The following PABPC4L variants were observed in gnomAD, a reference collection of about 807,000 sequenced individuals.
PABPC4L encodes the protein poly(A) binding protein cytoplasmic 4 like.
For missense variants in PABPC4L, 452 were observed against 451.4 expected, an observed-to-expected ratio of 1.00 and a Z score of -0.01; for synonymous variants, 169 against 164.1, an observed-to-expected ratio of 1.03 and a Z score of -0.23.
the PABPC4L span, among the ~76,000 whole-genome samples, chr4:134,161,403 A>C: frequency 3.8e-4 from 58 of 152,264 alleles, no homozygotes; most frequent in African/African-American, 1.3e-3. Flanking sequence ...AAACACAAGG[A>C]TAAACAAAGA....
downstream of PABPC4L, among the ~76,000 whole-genome samples, chr4:134,193,191 A>T (rs1253737957): frequency 6.6e-6 from 1 of 152,016 alleles, no homozygotes; most frequent in Non-Finnish European, 1.5e-5. Flanking sequence ...TTTTCTACTG[A>T]ATATTCCTCC....
downstream of PABPC4L, among the ~76,000 whole-genome samples, chr4:134,195,959 T>C (rs1400294113): frequency 1.3e-5 from 2 of 151,264 alleles, no homozygotes; most frequent in African/African-American, 4.8e-5. Context: ...TTTTTTAAAA[T>C]TATATTTTTA....
the PABPC4L span, among the ~76,000 whole-genome samples, chr4:134,068,622 T>C: frequency 2.1e-4 from 32 of 152,278 alleles, 1 homozygote; most frequent in South Asian, 2.1e-3. Context: ...GTGATCTATG[T>C]ACCTCAGTGT....
the PABPC4L span, among the ~76,000 whole-genome samples, chr4:134,028,377 T>G: frequency 6.6e-6 from 1 of 151,976 alleles, no homozygotes; most frequent in African/African-American, 2.4e-5. Flanking sequence ...CCTCCTCAGC[T>G]CTTCATTTTC....
the PABPC4L span, among the ~76,000 whole-genome samples, chr4:134,055,120 C>T: frequency 6.6e-6 from 1 of 151,874 alleles, no homozygotes; most frequent in Non-Finnish European, 1.5e-5. Flanking sequence ...GATTTATATG[C>T]TGATATGGAT....
At chr4:134,088,240 G>A in the PABPC4L span, among the ~76,000 whole-genome samples, 1 of 152,022 alleles carries the variant, frequency 6.6e-6, no homozygotes, top group Non-Finnish European at 1.5e-5. Context: ...TTAAAATCAT[G>A]TGGCCTCCAA....
chr4:134,071,557 C>A, the PABPC4L span, among the ~76,000 whole-genome samples: 1 of 152,198 alleles, frequency 6.6e-6, no homozygotes, highest in Admixed American at 6.5e-5. Flanking sequence ...CACCCTATGC[C>A]TTTTGAGGCA....
the PABPC4L span, among the ~76,000 whole-genome samples, chr4:134,011,791 G>T: frequency 6.6e-6 from 1 of 152,022 alleles, no homozygotes; most frequent in Admixed American, 6.6e-5. Context: ...ATAAAATCTT[G>T]CATATTTCTT....
the PABPC4L span, among the ~76,000 whole-genome samples, chr4:134,014,019 T>G: frequency 6.6e-6 from 1 of 152,104 alleles, no homozygotes; most frequent in African/African-American, 2.4e-5. Context: ...TTAATGCTCC[T>G]TTTTCTTTAT....
the PABPC4L span, among the ~76,000 whole-genome samples, chr4:133,958,867 A>G: frequency 6.6e-6 from 1 of 152,202 alleles, no homozygotes; most frequent in African/African-American, 2.4e-5. Context: ...TTGGGTGGAG[A>G]CACAGCCAAA....
chr4:134,042,172 T>C, the PABPC4L span, among the ~76,000 whole-genome samples: 1 of 152,176 alleles, frequency 6.6e-6, no homozygotes, highest in Non-Finnish European at 1.5e-5. Flanking sequence ...CTAAGTGTAG[T>C]AACTCAGGAA....
At chr4:134,039,872 A>T in the PABPC4L span, among the ~76,000 whole-genome samples, 1 of 152,082 alleles carries the variant, frequency 6.6e-6, no homozygotes, top group Admixed American at 6.6e-5. Context: ...GCAAAGTCTC[A>T]GGATACAATA....
chr4:134,108,398 A>G, the PABPC4L span, among the ~76,000 whole-genome samples: 1 of 151,864 alleles, frequency 6.6e-6, no homozygotes, highest in East Asian at 1.9e-4. Flanking sequence ...CTCTTCTCAA[A>G]TGTAATGAAA....
chr4:134,154,585 A>G, the PABPC4L span, among the ~76,000 whole-genome samples: 1 of 152,150 alleles, frequency 6.6e-6, no homozygotes, highest in South Asian at 2.1e-4. Context: ...TTGGACAATC[A>G]GAAGAATAAA....
the PABPC4L span, among the ~76,000 whole-genome samples, chr4:134,184,173 C>A: frequency 6.6e-6 from 1 of 151,806 alleles, no homozygotes; most frequent in Non-Finnish European, 1.5e-5. Context: ...GAGACTGACC[C>A]AAACATAGAA....
chr4:134,171,747 A>G, the PABPC4L span, among the ~76,000 whole-genome samples: 4 of 152,156 alleles, frequency 2.6e-5, no homozygotes, highest in Admixed American at 1.3e-4. Flanking sequence ...AGATTATGTG[A>G]TGCTATACCT....
chr4:134,193,171 G>C (rs753422147), downstream of PABPC4L, among the ~76,000 whole-genome samples: 1 of 151,940 alleles, frequency 6.6e-6, no homozygotes, highest in African/African-American at 2.4e-5. Flanking sequence ...GATTCAGTAA[G>C]AAGCAGTGAT....
the PABPC4L span, among the ~76,000 whole-genome samples, chr4:134,061,842 A>C: frequency 2.0e-5 from 3 of 151,902 alleles, no homozygotes; most frequent in Non-Finnish European, 4.4e-5. Flanking sequence ...AAAGAAAAGA[A>C]AAAGAAGAAA....
chr4:133,977,325 A>G, the PABPC4L span, among the ~76,000 whole-genome samples: 4 of 152,028 alleles, frequency 2.6e-5, no homozygotes, highest in Non-Finnish European at 5.9e-5. Flanking sequence ...GCCTTGTAGT[A>G]TAGTTTGAAG....
Sources: gnomAD v4.1 joint callset for allele counts (sites outside exome capture counted in the v4.1 genomes callset) on GRCh38, gnomAD v4.1.1 for gene constraint, MANE v1.5 for transcripts, NCBI Gene and HGNC (gene_info 2026-07-23, HGNC 2026-07-21) for gene names.